PDS5A: variants seen among roughly 807,000 people sequenced by gnomAD.
PDS5A encodes sister chromatid cohesion protein PDS5 homolog A.
PDS5A carries 42 observed loss-of-function variants against 167.1 expected under a neutral mutation model. The ratio of observed to expected loss-of-function variants is 0.25; its 90% CI spans 0.20 to 0.33. The LOEUF is 0.33. Among genes scored for constraint, PDS5A ranks in the 10% least tolerant of loss-of-function variants. The pLI is 1.00. For synonymous variants in PDS5A, 553 were observed against 554.6 expected, an observed-to-expected ratio of 1.00 and a Z score of 0.04; for missense variants, 1,033 against 1,605.9, an observed-to-expected ratio of 0.64 and a Z score of 6.10.
chr4:39,877,601 T>C (rs1449192317), intron 18 of PDS5A, among the ~76,000 whole-genome samples: 1 of 152,174 alleles, frequency 6.6e-6, no homozygotes, highest in East Asian at 1.9e-4. Flanking sequence ...GAGCTTTCTT[T>C]GACTGGCAAA....
At chr4:39,967,405 T>C (rs771461921) in intron 2 of PDS5A, among the ~76,000 whole-genome samples, 3 of 152,092 alleles carry the variant, frequency 2.0e-5, no homozygotes, top group Non-Finnish European at 4.4e-5. Context: ...CCCAACACTT[T>C]CGGAAGCCGA....
At chr4:39,967,374 G>C (rs773988356) in intron 2 of PDS5A, among the ~76,000 whole-genome samples, 2 of 152,012 alleles carry the variant, frequency 1.3e-5, no homozygotes, top group East Asian at 3.9e-4. Flanking sequence ...AATGCCTGGC[G>C]TGGTGGCTTA....
chr4:39,902,799 G>A lies in PDS5A; in HGVS notation c.1386-339C>T, dbSNP rs114189151. ...TAGCGTCCTGAAGTGCTGGGATTAC[G>A]ACGGGCATGAGGCACCACACCCAGC... On this transcript the variant is annotated intron_variant, in intron 12 of 32. Transcript: ENST00000303538. 4.6e-3 allele frequency among the ~76,000 whole-genome samples: 700 copies of A among 152,196 alleles called. 6 individuals are homozygous for A. Among genetic ancestry groups the A allele is most frequent in the African/African-American group, 0.016 (660 of 41,530 alleles).
At chr4:39,866,363 C>T (rs1205983357) in intron 23 of PDS5A, among the ~76,000 whole-genome samples, 3 of 151,942 alleles carry the variant, frequency 2.0e-5, no homozygotes, top group Admixed American at 6.6e-5. Flanking sequence ...GTGATCTGCC[C>T]GTCTCGGCCT....
At chr4:39,893,773 A>T (rs1410730715) in intron 16 of PDS5A, among the ~76,000 whole-genome samples, 1 of 152,238 alleles carries the variant, frequency 6.6e-6, no homozygotes, top group Non-Finnish European at 1.5e-5. Flanking sequence ...ATGAGAACAC[A>T]TAGTTAAATA....
intron 2 of PDS5A, among the ~76,000 whole-genome samples, chr4:39,952,156 C>T (rs1728465617): frequency 6.6e-6 from 1 of 151,714 alleles, no homozygotes; most frequent in Non-Finnish European, 1.5e-5. Flanking sequence ...ATTGTGAAAC[C>T]CTGTCTCTAC....
chr4:39,930,215 CAAAAAAAAAAAAAA>C (rs764983592), intron 2 of PDS5A, among the ~76,000 whole-genome samples: 35 of 35,092 alleles, frequency 1.0e-3, no homozygotes, highest in Middle Eastern at 0.033. Context: ...GACTCCATCT[CAAAAAAAAAAAAAA>C]AAAAAAAAAA....
chr4:39,926,949 A>G, intron 3 of PDS5A, 88 bp from the exon 4 acceptor site: 3 of 1,077,564 alleles, frequency 2.8e-6, no homozygotes, highest in Middle Eastern at 2.4e-4. Flanking sequence ...ATTTGTGTAC[A>G]AACTACAATA....
In PDS5A at chr4:39,976,604, T is replaced by C; in HGVS notation, c.-27A>G. 6.3e-7 allele frequency: 1 copy of C among 1,590,648 alleles called. No individual in the cohort carries two copies. Among genetic ancestry groups the C allele is most frequent in the South Asian group, 1.1e-5 (1 of 89,464 alleles). On this transcript the variant is annotated 5_prime_UTR_variant, in exon 2 of 33. Transcript: ENST00000303538. Reference sequence around the variant, plus strand: ...CTGGGGGACAACTTTTGGTTCACAGTCCTCTACCGGCCTCTATCGGTCAGA... The same window carrying C: ...CTGGGGGACAACTTTTGGTTCACAGCCCTCTACCGGCCTCTATCGGTCAGA...
intron 2 of PDS5A, chr4:39,974,273 A>G (rs1730862675): frequency 1.8e-6 from 1 of 543,950 alleles, no homozygotes; most frequent in Admixed American, 1.9e-5. Flanking sequence ...ACCACTTAAT[A>G]CTATGAGACC....
At chr4:39,941,425 A>G (rs1192529278) in intron 2 of PDS5A, among the ~76,000 whole-genome samples, 5 of 152,236 alleles carry the variant, frequency 3.3e-5, no homozygotes, top group Non-Finnish European at 7.3e-5. Flanking sequence ...CTGAGCATAT[A>G]CATGGACTGC....
At chr4:39,833,156 A>G (rs1716065807) in intron 32 of PDS5A, among the ~76,000 whole-genome samples, 1 of 123,710 alleles carries the variant, frequency 8.1e-6, no homozygotes, top group South Asian at 2.8e-4. Flanking sequence ...GTGTCGTTGC[A>G]CTCCAGCCTG....
intron 11 of PDS5A, among the ~76,000 whole-genome samples, chr4:39,904,805 A>G (rs113699712): frequency 1.3e-5 from 2 of 152,206 alleles, no homozygotes; most frequent in African/African-American, 4.8e-5. Flanking sequence ...CTAGAACTAC[A>G]GGTTACTGAT....
intron 2 of PDS5A, among the ~76,000 whole-genome samples, chr4:39,951,341 A>C (rs1345443804): frequency 6.6e-6 from 1 of 152,224 alleles, no homozygotes; most frequent in East Asian, 1.9e-4. Flanking sequence ...GGGCTGTGAT[A>C]AATTAAATAA....
intron 12 of PDS5A, among the ~76,000 whole-genome samples, chr4:39,903,154 T>C (rs1406147092): frequency 6.6e-6 from 1 of 152,234 alleles, no homozygotes; most frequent in Non-Finnish European, 1.5e-5. Flanking sequence ...AGAAACTCAT[T>C]AATTTCCTCT....
rs563566170 is a variant in PDS5A at position 39,972,476 on chromosome 4, C to T, written c.138+3964G>A. On this transcript the variant is annotated intron_variant, in intron 2 of 32. Transcript: ENST00000303538. Reference sequence around the variant, plus strand: ...CGGAGTTTGCAGTGAGCCAAGATTGCACCACTGCATTCCAGCCTGGGCGAC... The same window carrying T: ...CGGAGTTTGCAGTGAGCCAAGATTGTACCACTGCATTCCAGCCTGGGCGAC... 6.6e-5 allele frequency among the ~76,000 whole-genome samples: 10 copies of T among 152,236 alleles called. No homozygotes were observed. In the East Asian group the frequency reaches 1.5e-3, roughly 24 times the overall value.
At chr4:39,934,615 CTTTTT>C (rs5857707) in intron 2 of PDS5A, among the ~76,000 whole-genome samples, 2 of 127,594 alleles carry the variant, frequency 1.6e-5, no homozygotes, top group Admixed American at 8.0e-5. Flanking sequence ...CTTTTTTTTT[CTTTTT>C]TTTTTTTTTT....
intron 21 of PDS5A, among the ~76,000 whole-genome samples, chr4:39,871,699 T>TTTTA (rs748838761): frequency 9.8e-5 from 15 of 152,294 alleles, no homozygotes; most frequent in East Asian, 3.9e-4. Context: ...GCAGTGATTC[T>TTTTA]TTTATTTATT....
At chr4:39,967,384 A>G (rs949753318) in intron 2 of PDS5A, among the ~76,000 whole-genome samples, 1 of 152,076 alleles carries the variant, frequency 6.6e-6, no homozygotes, top group African/African-American at 2.4e-5. Flanking sequence ...GTGGTGGCTT[A>G]TGCCTGTAAT....
Sources: allele counts gnomAD v4.1 joint callset (sites outside exome capture counted in the v4.1 genomes callset), GRCh38; gene constraint gnomAD v4.1.1; transcripts MANE v1.5; gene names NCBI Gene and HGNC (gene_info 2026-07-23, HGNC 2026-07-21).